Variants in RNLS observed in about 807,000 individuals in gnomAD.
The protein encoded by RNLS is renalase.
RNLS carries 39 observed loss-of-function variants against 39.8 expected under a neutral mutation model. The observed-to-expected ratio is 0.98, with a 90% CI of 0.76 to 1.28. The LOEUF is 1.28. RNLS is among the 50% of genes most tolerant of loss of function. RNLS has a pLI of 0.00. For synonymous variants in RNLS, 147 were observed against 150.7 expected (o/e 0.98, Z 0.18); for missense variants, 410 against 413.3 (o/e 0.99, Z 0.07).
intron 4 of RNLS, among the ~76,000 whole-genome samples, chr10:88,501,898 G>A (rs1845509800): frequency 6.6e-6 from 1 of 151,950 alleles, no homozygotes; most frequent in Non-Finnish European, 1.5e-5. Context: ...ACTCCCTGTT[G>A]AGACCTGGTA....
chr10:88,552,131 C>CT (rs1848633984), intron 4 of RNLS, among the ~76,000 whole-genome samples: 1 of 152,098 alleles, frequency 6.6e-6, no homozygotes, highest in Admixed American at 6.6e-5. Flanking sequence ...TGAGGTAGGA[C>CT]TTATCACTTC....
chr10:88,406,970 T>C (rs1853315448), intron 4 of RNLS, among the ~76,000 whole-genome samples: 1 of 152,112 alleles, frequency 6.6e-6, no homozygotes, highest in Non-Finnish European at 1.5e-5. Context: ...ACATCGCGTG[T>C]TCTCACTGAT....
chr10:88,484,786 A>G lies in RNLS; in HGVS notation c.526+88117T>C, dbSNP rs113508762. ...TAAATAGCACACCCTTAAATTTATT[A>G]GGTCTTCTTTAAAGTTGGACTGCCA... On this transcript the variant is annotated intron_variant, in intron 4 of 6. Coordinates refer to ENST00000331772, the MANE Select transcript of RNLS (RefSeq NM_001031709.3). 4.1e-3 allele frequency among the ~76,000 whole-genome samples: 631 copies of G among 152,090 alleles called. 4 individuals carry two copies. Among genetic ancestry groups the G allele is most frequent in the African/African-American group, 0.014 (580 of 41,562 alleles).
intron 4 of RNLS, among the ~76,000 whole-genome samples, chr10:88,379,658 A>C (rs575803021): frequency 6.6e-5 from 10 of 152,204 alleles, no homozygotes; most frequent in Non-Finnish European, 1.2e-4. Context: ...CTTTTCTATC[A>C]AGAGGTAGGG....
intron 5 of RNLS, among the ~76,000 whole-genome samples, chr10:88,324,512 T>C (rs1334330386): frequency 1.3e-5 from 2 of 151,040 alleles, no homozygotes; most frequent in Non-Finnish European, 2.9e-5. Context: ...GTACACATGA[T>C]ATAAAGATGG....
chr10:88,301,140 GA>G lies in RNLS; in HGVS notation c.876+13325del, dbSNP rs536594443. On this transcript the variant is annotated intron_variant, in intron 6 of 6. Coordinates refer to ENST00000331772, the MANE Select transcript of RNLS (RefSeq NM_001031709.3). ...CAGAGTAAGTCCCAAGAGTATATGA[GA>G]AAAAAATGACTTCATTAAATTCTTA... 3.2e-3 allele frequency among the ~76,000 whole-genome samples: 479 copies of G among 152,036 alleles called. 3 individuals are homozygous for G. Among genetic ancestry groups the G allele is most frequent in the African/African-American group, 0.01 (422 of 41,506 alleles).
At chr10:88,195,021 G>A in the RNLS span, among the ~76,000 whole-genome samples, 1 of 152,180 alleles carries the variant, frequency 6.6e-6, no homozygotes, top group African/African-American at 2.4e-5. Context: ...GCATACTCGA[G>A]TGAGTCTGTC....
the RNLS span, among the ~76,000 whole-genome samples, chr10:88,210,595 C>A: frequency 6.6e-6 from 1 of 152,172 alleles, no homozygotes; most frequent in South Asian, 2.1e-4. Flanking sequence ...CGCACATAAT[C>A]ACAGAACAAT....
At chr10:88,384,532 G>A (rs1166664273) in intron 4 of RNLS, among the ~76,000 whole-genome samples, 3 of 152,166 alleles carry the variant, frequency 2.0e-5, no homozygotes, top group Non-Finnish European at 4.4e-5. Context: ...GGGAAAGGCT[G>A]TGAACTTCAA....
chr10:88,395,540 T>A (rs1242519115), intron 4 of RNLS, among the ~76,000 whole-genome samples: 1 of 152,008 alleles, frequency 6.6e-6, no homozygotes, highest in African/African-American at 2.4e-5. Flanking sequence ...ATGAGTCAAC[T>A]GATGCTATCA....
the RNLS span, among the ~76,000 whole-genome samples, chr10:88,256,501 C>G: frequency 7.9e-5 from 12 of 152,218 alleles, no homozygotes; most frequent in Admixed American, 2.6e-4. Flanking sequence ...GAAAACCTTC[C>G]GTCTCCATCC....
chr10:88,174,277 TC>T, the RNLS span, among the ~76,000 whole-genome samples: 1,699 of 152,246 alleles, frequency 0.011, 26 homozygotes, highest in African/African-American at 0.038. Context: ...GGCTAGAACT[TC>T]CAGTACTGTG....
At chr10:88,192,274 C>T in the RNLS span, among the ~76,000 whole-genome samples, 697 of 152,112 alleles carry the variant, frequency 4.6e-3, 7 homozygotes, top group Middle Eastern at 0.027. Context: ...ATCCTATCTG[C>T]CTTGTAGGTA....
chr10:88,479,956 C>A (rs954689656), intron 4 of RNLS, among the ~76,000 whole-genome samples: 1 of 152,064 alleles, frequency 6.6e-6, no homozygotes, highest in African/African-American at 2.4e-5. Flanking sequence ...TGTATTAGTT[C>A]TCTGCACAAG....
At chr10:88,537,886 T>C (rs796436061) in intron 4 of RNLS, among the ~76,000 whole-genome samples, 23 of 152,292 alleles carry the variant, frequency 1.5e-4, no homozygotes, top group African/African-American at 5.3e-4. Flanking sequence ...ATAAAAAGTT[T>C]TTTAAAGACA....
chr10:88,483,161 C>A (rs1310904316), intron 4 of RNLS, among the ~76,000 whole-genome samples: 1 of 152,138 alleles, frequency 6.6e-6, no homozygotes, highest in African/African-American at 2.4e-5. Flanking sequence ...CCTCTGGAAG[C>A]TTTCATATAT....
At chr10:88,504,540 T>C (rs1205975637) in intron 4 of RNLS, among the ~76,000 whole-genome samples, 6 of 152,044 alleles carry the variant, frequency 3.9e-5, no homozygotes, top group Non-Finnish European at 8.8e-5. Context: ...ACTTTGACTA[T>C]GGAAATAATT....
At chr10:88,173,966 C>T in the RNLS span, among the ~76,000 whole-genome samples, 4 of 151,446 alleles carry the variant, frequency 2.6e-5, no homozygotes, top group African/African-American at 9.7e-5. Context: ...AGATCTTTAA[C>T]CTGTTCAGAG....
chr10:88,332,068 G>A (rs1847157770), intron 5 of RNLS, among the ~76,000 whole-genome samples: 1 of 152,196 alleles, frequency 6.6e-6, no homozygotes, highest in Non-Finnish European at 1.5e-5. Context: ...CTCCTTGGCT[G>A]CGTGTCTACT....
Sources: allele counts gnomAD v4.1 joint callset (sites outside exome capture counted in the v4.1 genomes callset), GRCh38; gene constraint gnomAD v4.1.1; transcripts MANE v1.5; gene names NCBI Gene and HGNC (gene_info 2026-07-23, HGNC 2026-07-21).